The following MEMO1 variants were observed in gnomAD, a reference collection of about 807,000 sequenced individuals.
MEMO1 encodes the protein protein MEMO1.
MEMO1 carries 6 observed loss-of-function variants against 45.2 expected under a neutral mutation model. The observed-to-expected ratio is 0.13, with a 90% CI of 0.07 to 0.26. The LOEUF (loss-of-function observed/expected upper bound fraction) is 0.26. MEMO1 is among the 10% of genes least tolerant of loss of function. MEMO1 has a pLI of 1.00. For synonymous variants in MEMO1, 78 were observed against 124.3 expected, an observed-to-expected ratio of 0.63 and a Z score of 2.48; for missense variants, 184 against 370.5, an observed-to-expected ratio of 0.50 and a Z score of 4.13.
intron 9 of MEMO1, among the ~76,000 whole-genome samples, chr2:31,869,581 A>G (rs1673364202): frequency 1.3e-5 from 2 of 152,122 alleles, no homozygotes; most frequent in African/African-American, 4.8e-5. Flanking sequence ...TATAAAGAGC[A>G]TATTGGAACT....
At chr2:31,955,085 T>C (rs1667256843) in intron 2 of MEMO1, among the ~76,000 whole-genome samples, 1 of 151,318 alleles carries the variant, frequency 6.6e-6, no homozygotes, top group African/African-American at 2.4e-5. Flanking sequence ...CACAAAAAAA[T>C]ACAAAAATTA....
At chr2:31,909,385 G>T (rs549522913) in intron 6 of MEMO1, among the ~76,000 whole-genome samples, 1 of 152,246 alleles carries the variant, frequency 6.6e-6, no homozygotes, top group South Asian at 2.1e-4. Context: ...AAAACCCTAA[G>T]ATCTGATAAA....
intron 5 of MEMO1, among the ~76,000 whole-genome samples, chr2:31,919,855 G>A (rs1682007113): frequency 6.7e-6 from 1 of 150,330 alleles, no homozygotes; most frequent in Admixed American, 6.6e-5. Context: ...TGTGTGTCGG[G>A]GTGTGTGTGT....
intron 2 of MEMO1, among the ~76,000 whole-genome samples, chr2:31,990,063 GC>G (rs559055997): frequency 6.6e-6 from 1 of 152,178 alleles, no homozygotes; most frequent in Non-Finnish European, 1.5e-5. Flanking sequence ...GTTGCAATGA[GC>G]CATGAGCATG....
chr2:31,918,507 G>A (rs543735824), intron 5 of MEMO1, among the ~76,000 whole-genome samples: 1 of 152,138 alleles, frequency 6.6e-6, no homozygotes, highest in African/African-American at 2.4e-5. Flanking sequence ...TCTGAGTTTT[G>A]TTTTTTAATA....
At chr2:31,952,407 CAT>C (rs1409769896) in intron 2 of MEMO1, among the ~76,000 whole-genome samples, 2 of 152,162 alleles carry the variant, frequency 1.3e-5, no homozygotes, top group Admixed American at 6.5e-5. Flanking sequence ...TCTGTCCGTT[CAT>C]ATATAGTCTC....
intron 2 of MEMO1, among the ~76,000 whole-genome samples, chr2:31,963,528 T>C (rs1296154026): frequency 2.6e-5 from 4 of 152,252 alleles, no homozygotes; most frequent in Non-Finnish European, 4.4e-5. Context: ...GCATTATTTA[T>C]CCTTTTTCTA....
chr2:31,999,293 A>C (rs1672980387), intron 2 of MEMO1, among the ~76,000 whole-genome samples: 1 of 152,098 alleles, frequency 6.6e-6, no homozygotes, highest in Admixed American at 6.6e-5. Flanking sequence ...ACAGCAGCCA[A>C]GTAATTATAT....
intron 3 of MEMO1, among the ~76,000 whole-genome samples, chr2:31,938,370 G>A (rs1665179240): frequency 6.6e-6 from 1 of 151,950 alleles, no homozygotes; most frequent in Non-Finnish European, 1.5e-5. Flanking sequence ...AAGAAGGCCA[G>A]GCGCAGTGGC....
chr2:32,007,539 T>A (rs1047705773), intron 2 of MEMO1, among the ~76,000 whole-genome samples: 2 of 148,812 alleles, frequency 1.3e-5, no homozygotes, highest in African/African-American at 5.1e-5. Flanking sequence ...TATTTATATA[T>A]GTACACACAC....
Position 31,942,509 on chromosome 2 carries a change from C to CT in MEMO1, c.143+792dup, listed in dbSNP as rs573002931. Among the ~76,000 whole-genome samples, 20 of 151,384 alleles carry CT rather than the reference C, an allele frequency of 1.3e-4. No individual in the cohort carries two copies. The South Asian group carries it at 2.5e-3, about 19-fold the overall frequency. On this transcript the variant is annotated intron_variant, in intron 3 of 9. Transcript: ENST00000404530. ...ATCTGAGGAAATAAAGTAGCCAATT[C>CT]TTTTTTTTTCTTTTTTTGAGATAGG...
At chr2:31,991,369 C>T (rs1304563191) in intron 2 of MEMO1, among the ~76,000 whole-genome samples, 1 of 152,024 alleles carries the variant, frequency 6.6e-6, no homozygotes, top group Non-Finnish European at 1.5e-5. Context: ...GTCTGGAGGT[C>T]GAGACCAGCA....
At chr2:31,896,388 A>G (rs1677818039) in intron 6 of MEMO1, among the ~76,000 whole-genome samples, 1 of 152,222 alleles carries the variant, frequency 6.6e-6, no homozygotes, top group African/African-American at 2.4e-5. Flanking sequence ...GGGGCCATTA[A>G]GTATTTCAAG....
intron 2 of MEMO1, among the ~76,000 whole-genome samples, chr2:31,971,330 C>A (rs1426520200): frequency 6.6e-6 from 1 of 152,070 alleles, no homozygotes; most frequent in Non-Finnish European, 1.5e-5. Context: ...TTACTGCAGT[C>A]TCGACCTCCT....
At chr2:31,943,445 T>A (rs1177581143) in intron 2 of MEMO1, 62 bp from the exon 3 acceptor site, 3 of 1,198,236 alleles carry the variant, frequency 2.5e-6, no homozygotes, top group Non-Finnish European at 2.5e-6. Context: ...TAAACATATG[T>A]GGCATAAAGC....
At position 31,869,858 on chromosome 2, in the gene MEMO1, AC is replaced by A; in HGVS notation, c.751del (p.Val251CysfsTer3). On this transcript the variant is annotated frameshift_variant, in exon 9 of 10. Transcript: ENST00000404530. LOFTEE classifies it high-confidence loss of function. ...NTICGRHPIG[V>X]LLNAITELQK... ...CCTAAGGATACTCACATTTAATAAC[AC>A]CCCAATGGGATGTCTTCCACATATA... 1 of 1,573,656 alleles carries A rather than the reference AC, an allele frequency of 6.4e-7. No homozygotes were observed. The highest frequency in any genetic ancestry group is 8.6e-7 in the Non-Finnish European group (1 of 1,167,324).
At chr2:31,923,722 A>C (rs1292474270) in intron 4 of MEMO1, 8 of 1,540,952 alleles carry the variant, frequency 5.2e-6, no homozygotes, top group Non-Finnish European at 7.0e-6. Context: ...ACATCAGAGC[A>C]CTCCTGGAAA....
chr2:31,939,268 GT>G (rs1325579127), intron 3 of MEMO1, among the ~76,000 whole-genome samples: 1 of 152,014 alleles, frequency 6.6e-6, no homozygotes, highest in Non-Finnish European at 1.5e-5. Flanking sequence ...TTATATTTAT[GT>G]TTTTATATGT....
At chr2:31,975,338 A>G (rs1669884978) in intron 2 of MEMO1, among the ~76,000 whole-genome samples, 2 of 152,246 alleles carry the variant, frequency 1.3e-5, no homozygotes, top group African/African-American at 4.8e-5. Context: ...GCTCCTTTAG[A>G]CAAAACTAGA....
Sources: gnomAD v4.1 joint callset for allele counts (sites outside exome capture counted in the v4.1 genomes callset) on GRCh38, gnomAD v4.1.1 for gene constraint, MANE v1.5 for transcripts, NCBI Gene and HGNC (gene_info 2026-07-23, HGNC 2026-07-21) for gene names.